The following FMNL2 variants were observed in gnomAD, a reference collection of about 807,000 sequenced individuals.
FMNL2 encodes formin like 2.
In FMNL2, 51 loss-of-function variants were observed where a neutral mutation model predicts 130.2. The ratio of observed to expected loss-of-function variants is 0.39; its 90% CI spans 0.31 to 0.49. FMNL2 has a LOEUF of 0.49. Among genes scored for constraint, FMNL2 ranks in the 20% least tolerant of loss-of-function variants. The pLI is 0.85. For missense variants in FMNL2, 977 were observed against 1,316.2 expected (o/e 0.74, Z 3.99); for synonymous variants, 465 against 467.1 (o/e 1.00, Z 0.06).
chr2:152,408,919 T>C (rs1686142204), intron 1 of FMNL2, among the ~76,000 whole-genome samples: 1 of 152,238 alleles, frequency 6.6e-6, no homozygotes, highest in South Asian at 2.1e-4. Context: ...TCTGTAGTTC[T>C]GTCAGGATGG....
At chr2:152,390,481 A>G (rs111529407) in intron 1 of FMNL2, 97,760 of 1,525,544 alleles carry the variant, frequency 0.064, 4,863 homozygotes, top group Admixed American at 0.24. Context: ...GACCTGGACA[A>G]TGAGACTCGC....
At chr2:152,388,516 T>C (rs1684916141) in intron 1 of FMNL2, among the ~76,000 whole-genome samples, 1 of 152,110 alleles carries the variant, frequency 6.6e-6, no homozygotes, top group Non-Finnish European at 1.5e-5. Context: ...ACCCCCGTGA[T>C]TCAATTACCT....
chr2:152,454,737 A>G (rs1688856937), intron 1 of FMNL2, among the ~76,000 whole-genome samples: 1 of 152,188 alleles, frequency 6.6e-6, no homozygotes. Flanking sequence ...CTACTGAATG[A>G]TTGGACCTTT....
At chr2:152,583,421 T>C (rs1696897651) in intron 9 of FMNL2, among the ~76,000 whole-genome samples, 1 of 152,190 alleles carries the variant, frequency 6.6e-6, no homozygotes, top group African/African-American at 2.4e-5. Flanking sequence ...GGAGATTTAT[T>C]GCAAAGCAAA....
chr2:152,599,803 T>C (rs1281170924), intron 9 of FMNL2, among the ~76,000 whole-genome samples: 1 of 152,204 alleles, frequency 6.6e-6, no homozygotes, highest in African/African-American at 2.4e-5. Context: ...GTTTTTGTTT[T>C]AGCGGAGTGA....
rs565212825 is a variant in FMNL2, at chr2:152,565,596, T to G, written c.596+4561T>G. 2.6e-5 allele frequency among the ~76,000 whole-genome samples: 4 copies of G among 152,312 alleles called. No homozygotes were observed. The East Asian group carries it at 7.7e-4, about 29-fold the overall frequency. On this transcript the variant is annotated intron_variant, in intron 6 of 25. Transcript: ENST00000288670. ...ATTTTTTCCTTAAAATTTTTTTGTC[T>G]TCTTTTACTTTCCTGAATATGCCCA...
chr2:152,368,254 C>T (rs140874099), intron 1 of FMNL2, among the ~76,000 whole-genome samples: 22 of 152,246 alleles, frequency 1.4e-4, no homozygotes, highest in African/African-American at 5.3e-4. Flanking sequence ...TTTGTGTGAT[C>T]TCTTTCTTCA....
At chr2:152,364,416 A>G (rs989693287) in intron 1 of FMNL2, among the ~76,000 whole-genome samples, 1 of 152,088 alleles carries the variant, frequency 6.6e-6, no homozygotes, top group African/African-American at 2.4e-5. Context: ...AAATGTTGGC[A>G]GTTCTATCTT....
intron 1 of FMNL2, among the ~76,000 whole-genome samples, chr2:152,371,008 T>C (rs1178080270): frequency 1.3e-5 from 2 of 152,124 alleles, no homozygotes; most frequent in Non-Finnish European, 2.9e-5. Context: ...GAAGCCTAAG[T>C]TGGTAAGTTG....
At chr2:152,404,856 A>G (rs59348655) in intron 1 of FMNL2, among the ~76,000 whole-genome samples, 75,630 of 151,992 alleles carry the variant, frequency 0.5, 20,096 homozygotes, top group South Asian at 0.67. Flanking sequence ...AAATAACATG[A>G]GATGGAGAAC....
chr2:152,381,709 A>C (rs1421642571), intron 1 of FMNL2, among the ~76,000 whole-genome samples: 1 of 152,214 alleles, frequency 6.6e-6, no homozygotes, highest in Non-Finnish European at 1.5e-5. Flanking sequence ...TTGCTGTGGC[A>C]GTTTTTAAAA....
chr2:152,507,357 C>A (rs539715113), intron 1 of FMNL2, among the ~76,000 whole-genome samples: 1 of 152,350 alleles, frequency 6.6e-6, no homozygotes, highest in South Asian at 2.1e-4. Flanking sequence ...TTACCCCTCC[C>A]TTCTTTGAAT....
At chr2:152,537,011 T>G (rs1324978330) in intron 2 of FMNL2, among the ~76,000 whole-genome samples, 1 of 152,146 alleles carries the variant, frequency 6.6e-6, no homozygotes, top group Non-Finnish European at 1.5e-5. Context: ...ATTTCAAACC[T>G]TTACACAGAA....
chr2:152,420,923 G>A (rs1383116714), intron 1 of FMNL2, among the ~76,000 whole-genome samples: 2 of 152,170 alleles, frequency 1.3e-5, no homozygotes, highest in Non-Finnish European at 2.9e-5. Flanking sequence ...ACTGGGTTTC[G>A]GACTCAGATT....
chr2:152,416,333 T>C (rs1170802146), intron 1 of FMNL2, among the ~76,000 whole-genome samples: 1 of 152,190 alleles, frequency 6.6e-6, no homozygotes, highest in African/African-American at 2.4e-5. Context: ...TGGAATTGAC[T>C]TGGGAAGTGG....
intron 1 of FMNL2, among the ~76,000 whole-genome samples, chr2:152,413,978 G>A (rs1236120578): frequency 2.4e-4 from 37 of 152,116 alleles, no homozygotes; most frequent in Admixed American, 2.4e-3. Context: ...CATTTAAAAA[G>A]GATTTTTGTT....
chr2:152,456,063 T>C (rs1558878077), intron 1 of FMNL2, among the ~76,000 whole-genome samples: 1 of 152,212 alleles, frequency 6.6e-6, no homozygotes, highest in Admixed American at 6.5e-5. Flanking sequence ...CAGTGCAATG[T>C]ATGTCTTGAC....
chr2:152,562,591 G>A lies in FMNL2; in HGVS notation c.596+1556G>A, dbSNP rs140859376. 5.8e-3 allele frequency among the ~76,000 whole-genome samples: 881 copies of A among 152,324 alleles called. 9 individuals carry two copies. Among genetic ancestry groups the A allele is most frequent in the African/African-American group, 0.02 (849 of 41,564 alleles). ...TCCTTGTTTAGAACTGGAAAAAAATGTTAATGGGTTTGGAATGAATTGATT... is the reference window on the plus strand; with the variant it reads ...TCCTTGTTTAGAACTGGAAAAAAATATTAATGGGTTTGGAATGAATTGATT... On this transcript the variant is annotated intron_variant, in intron 6 of 25. Transcript: ENST00000288670.
chr2:152,506,589 C>T (rs1046256791), intron 1 of FMNL2, among the ~76,000 whole-genome samples: 2 of 152,134 alleles, frequency 1.3e-5, no homozygotes, highest in South Asian at 2.1e-4. Context: ...CCCATGGACA[C>T]GGAAAATGTA....
Sources: allele counts gnomAD v4.1 joint callset (sites outside exome capture counted in the v4.1 genomes callset), GRCh38; gene constraint gnomAD v4.1.1; transcripts MANE v1.5; gene names NCBI Gene and HGNC (gene_info 2026-07-23, HGNC 2026-07-21).